SLC9C2: variants seen among roughly 807,000 people sequenced by gnomAD.
SLC9C2 encodes the protein solute carrier family 9 member C2 (putative).
SLC9C2 carries 75 observed loss-of-function variants against 140.2 expected under a neutral mutation model. That is an observed-to-expected ratio of 0.53 (90% CI 0.44 to 0.65). SLC9C2 has a LOEUF of 0.65. SLC9C2 is among the 30% of genes least tolerant of loss of function. SLC9C2 has a pLI of 0.00. For synonymous variants in SLC9C2, 375 were observed against 420.9 expected (o/e 0.89, Z 1.34); for missense variants, 1,074 against 1,331.8 (o/e 0.81, Z 3.01).
intron 4 of SLC9C2, among the ~76,000 whole-genome samples, chr1:173,590,721 C>T (rs139612297): frequency 6.6e-5 from 10 of 152,090 alleles, no homozygotes; most frequent in African/African-American, 2.2e-4. Context: ...GAGATGGCCA[C>T]TAAGTGACTA....
At chr1:173,524,257 G>T (rs980474851) in intron 20 of SLC9C2, among the ~76,000 whole-genome samples, 163 bp from the exon 21 acceptor site, 5 of 152,050 alleles carry the variant, frequency 3.3e-5, no homozygotes, top group African/African-American at 1.2e-4. Context: ...AACCATTTTT[G>T]TCCCTAGTCT....
chr1:173,519,467 G>A (rs1430667630), intron 22 of SLC9C2, among the ~76,000 whole-genome samples: 1 of 152,100 alleles, frequency 6.6e-6, no homozygotes, highest in Non-Finnish European at 1.5e-5. Flanking sequence ...TTGGATTTCT[G>A]ACCTACACAG....
intron 22 of SLC9C2, among the ~76,000 whole-genome samples, chr1:173,520,957 T>C (rs909440053): frequency 2.0e-5 from 3 of 152,158 alleles, no homozygotes; most frequent in Non-Finnish European, 4.4e-5. Context: ...AAGCCTCCCA[T>C]GAGACAGATT....
At chr1:173,521,424 A>C (rs765453801) in intron 21 of SLC9C2, 25 bp from the exon 22 acceptor site, 27 of 1,316,072 alleles carry the variant, frequency 2.1e-5, no homozygotes, top group Admixed American at 2.8e-5. Flanking sequence ...AAAAAACGAA[A>C]AGAAAAAGAG....
At chr1:173,522,393 C>G (rs1031185132) in intron 21 of SLC9C2, among the ~76,000 whole-genome samples, 6 of 152,092 alleles carry the variant, frequency 3.9e-5, no homozygotes, top group African/African-American at 1.4e-4. Flanking sequence ...AATCCAGAAG[C>G]AAACTGAACG....
chr1:173,575,306 T>A (rs1665103526), intron 8 of SLC9C2, among the ~76,000 whole-genome samples: 1 of 152,024 alleles, frequency 6.6e-6, no homozygotes, highest in African/African-American at 2.4e-5. Context: ...AGATGCAACA[T>A]CCAGACCACA....
chr1:173,531,088 T>A (rs898317474), intron 17 of SLC9C2, among the ~76,000 whole-genome samples: 52 of 152,188 alleles, frequency 3.4e-4, no homozygotes, highest in African/African-American at 1.1e-3. Flanking sequence ...AAAGCCACAT[T>A]ATGCTGACAA....
rs61579339 is a variant in SLC9C2 at position 173,599,362 on chromosome 1, A to ATTTTTTT, written c.228+748_228+754dup. 7.2e-3 allele frequency among the ~76,000 whole-genome samples: 490 copies of ATTTTTTT among 68,110 alleles called. 124 individuals are homozygous for ATTTTTTT. Among genetic ancestry groups the ATTTTTTT allele is most frequent in the Non-Finnish European group, 9.2e-3 (333 of 36,132 alleles). The allele number at this position is 68,110 out of a possible 152,430, so 44.7% of individuals were successfully genotyped here. A position where few individuals can be genotyped will look rare whatever the true frequency, so the allele number is the denominator to read the frequency against. Reference sequence around the variant, plus strand: ...CAAGAGCGCAAACACATTTTCCTTGATTTTTTTTTTTTTTTTTTTTTTTTT... The same window carrying ATTTTTTT: ...CAAGAGCGCAAACACATTTTCCTTGATTTTTTTTTTTTTTTTTTTTTTTTTTTTTTTT... On this transcript the variant is annotated intron_variant, in intron 3 of 27. Transcript: ENST00000367714.
intron 17 of SLC9C2, among the ~76,000 whole-genome samples, chr1:173,531,308 A>T (rs933360454): frequency 1.3e-5 from 2 of 152,132 alleles, no homozygotes; most frequent in African/African-American, 4.8e-5. Flanking sequence ...TGCTGCCCAC[A>T]CTCTAAATGG....
At chr1:173,550,420 TTTTA>T (rs754602433) in intron 11 of SLC9C2, among the ~76,000 whole-genome samples, 17 of 143,378 alleles carry the variant, frequency 1.2e-4, no homozygotes, top group East Asian at 2.1e-4. Context: ...TATTTTTTTA[TTTTA>T]TTTATTTATT....
At chr1:173,521,236 C>G in intron 22 of SLC9C2, 65 bp downstream of exon 22, 3 of 904,782 alleles carry the variant, frequency 3.3e-6, no homozygotes, top group Non-Finnish European at 4.8e-6. Flanking sequence ...TATTCTTATT[C>G]TACAATTACA....
At chr1:173,571,129 T>G (rs1173340291) in intron 9 of SLC9C2, among the ~76,000 whole-genome samples, 2 of 152,194 alleles carry the variant, frequency 1.3e-5, no homozygotes, top group East Asian at 3.8e-4. Flanking sequence ...TCAGCCATCT[T>G]GCTCCATCCT....
chr1:173,542,991 G>A (rs916694455), intron 13 of SLC9C2, among the ~76,000 whole-genome samples: 1 of 152,134 alleles, frequency 6.6e-6, no homozygotes, highest in Non-Finnish European at 1.5e-5. Flanking sequence ...TCAACATAGT[G>A]TTGGAAGTTC....
rs752797953 is a variant in SLC9C2, at chr1:173,548,366, C to G, written c.1461+23G>C. 3.1e-6 allele frequency: 5 copies of G among 1,599,890 alleles called. No individual in the cohort carries two copies. The Admixed American group carries it at 8.6e-5, about 27-fold the overall frequency. ...GACCAAGGGAAGGAAAGGAAAACTACTTTTTGCCAGGTATCAACTCACAGG... is the reference window on the plus strand; with the variant it reads ...GACCAAGGGAAGGAAAGGAAAACTAGTTTTTGCCAGGTATCAACTCACAGG... On this transcript the variant is annotated intron_variant, in intron 12 of 27. Transcript: ENST00000367714.
In SLC9C2 at chr1:173,602,163, A is replaced by G. The variant is rs561515751; in HGVS notation, c.-79-308T>C. On this transcript the variant is annotated intron_variant, in intron 1 of 27. Coordinates refer to ENST00000367714, the MANE Select transcript of SLC9C2 (RefSeq NM_178527.4). The stretch of plus-strand genomic sequence containing the variant: ...TTGGACAGTGAGTTTCTCAAAGGCC[A>G]GGGCCCGAACTTTCCTTAAGGCTGT... Among the ~76,000 whole-genome samples, 3 of 152,282 alleles carry G rather than the reference A, an allele frequency of 2.0e-5. No individual in the cohort carries two copies. The South Asian group carries it at 6.2e-4, about 32-fold the overall frequency.
chr1:173,507,882 G>A (rs562303737), intron 24 of SLC9C2, among the ~76,000 whole-genome samples: 104 of 151,954 alleles, frequency 6.8e-4, no homozygotes, highest in African/African-American at 2.4e-3. Flanking sequence ...GTTTTTTTAC[G>A]CCACCCAGTT....
intron 13 of SLC9C2, among the ~76,000 whole-genome samples, chr1:173,544,659 A>G (rs1274305290): frequency 6.6e-6 from 1 of 152,216 alleles, no homozygotes. Context: ...CATATACAAC[A>G]TGGAATACTA....
chr1:173,568,919 A>G (rs1412924921), intron 9 of SLC9C2, among the ~76,000 whole-genome samples: 3 of 152,018 alleles, frequency 2.0e-5, no homozygotes, highest in South Asian at 2.1e-4. Flanking sequence ...TCTTCTGATG[A>G]TTTCTTATTG....
At chr1:173,575,302 A>G (rs1665103215) in intron 8 of SLC9C2, among the ~76,000 whole-genome samples, 1 of 152,156 alleles carries the variant, frequency 6.6e-6, no homozygotes, top group African/African-American at 2.4e-5. Context: ...CCTAAGATGC[A>G]ACATCCAGAC....
Sources: allele counts gnomAD v4.1 joint callset (sites outside exome capture counted in the v4.1 genomes callset), GRCh38; gene constraint gnomAD v4.1.1; transcripts MANE v1.5; gene names NCBI Gene and HGNC (gene_info 2026-07-23, HGNC 2026-07-21).